MMD2: variants seen among roughly 807,000 people sequenced by gnomAD.
The protein encoded by MMD2 is monocyte to macrophage differentiation factor 2.
A neutral mutation model predicts 33.5 loss-of-function variants in MMD2; 30 were observed. The ratio of observed to expected loss-of-function variants is 0.90; its 90% CI spans 0.67 to 1.22. The LOEUF is 1.22. Among genes scored for constraint, MMD2 ranks in the 50% most tolerant of loss-of-function variants. The pLI, the probability that MMD2 is intolerant of heterozygous loss-of-function variation, is 0.00. For missense variants in MMD2, 364 were observed against 325.4 expected (o/e 1.12, Z -0.91); for synonymous variants, 129 against 123.0 (o/e 1.05, Z -0.32).
intron 1 of MMD2, among the ~76,000 whole-genome samples, chr7:4,937,347 G>C (rs1398508379): frequency 1.3e-5 from 2 of 151,060 alleles, no homozygotes; most frequent in Admixed American, 1.3e-4. Context: ...CAGTGAGCCG[G>C]GATTGCACTA....
intron 1 of MMD2, 93 bp downstream of exon 1, chr7:4,958,878 G>T: frequency 8.9e-7 from 1 of 1,120,218 alleles, no homozygotes; most frequent in Non-Finnish European, 1.1e-6. Context: ...AGCGCTCCGG[G>T]CGGCGGGGCC....
intron 4 of MMD2, among the ~76,000 whole-genome samples, chr7:4,913,482 C>T (rs1785064337): frequency 6.6e-6 from 1 of 151,812 alleles, no homozygotes; most frequent in Non-Finnish European, 1.5e-5. Flanking sequence ...TTTGGGAGGC[C>T]GAGGCAGGTG....
chr7:4,925,235 C>T (rs1370154556), intron 2 of MMD2, among the ~76,000 whole-genome samples: 1 of 152,022 alleles, frequency 6.6e-6, no homozygotes, highest in Admixed American at 6.6e-5. Context: ...TCGGCCCCAT[C>T]GAAGGTTCTT....
intron 3 of MMD2, among the ~76,000 whole-genome samples, chr7:4,916,470 C>T (rs1162699741): frequency 2.7e-5 from 4 of 146,288 alleles, no homozygotes; most frequent in Non-Finnish European, 5.9e-5. Context: ...GCAACCTCCG[C>T]TTCCCGGATT....
chr7:4,946,356 G>A lies in MMD2; in HGVS notation c.47+12615C>T, dbSNP rs1025031578. On this transcript the variant is annotated intron_variant, in intron 1 of 6. Transcript: ENST00000401401. The surrounding 1 kb of genome is among the most constrained non-coding windows in gnomAD (Gnocchi z 5.0). ...GACGGATCAATTTGTTTCCCTCTGC[G>A]GCCTTTCTCTGAAAGAAATGAAACC... Among the ~76,000 whole-genome samples the A allele has an allele frequency of 8.5e-5, 13 of 152,106 alleles. No individual in the cohort carries two copies. The highest frequency in any genetic ancestry group is 1.9e-4 in the Non-Finnish European group (13 of 68,020).
At chr7:4,896,971 T>C in the MMD2 span, among the ~76,000 whole-genome samples, 717 of 152,202 alleles carry the variant, frequency 4.7e-3, 5 homozygotes, top group African/African-American at 0.017. Context: ...GTGATTCTCC[T>C]GCCTCAGCCT....
rs545112846 is a variant in MMD2, at chr7:4,955,189, G to A, written c.47+3782C>T. Among the ~76,000 whole-genome samples, 4 of 152,240 alleles carry A rather than the reference G, an allele frequency of 2.6e-5. No individual in the cohort carries two copies. The South Asian group carries it at 8.3e-4, about 32-fold the overall frequency. On this transcript the variant is annotated intron_variant, in intron 1 of 6. Coordinates refer to ENST00000401401, the MANE Select transcript of MMD2 (RefSeq NM_198403.4). ...CCTTTACATGCATGAATCTATTTCA[G>A]GCCTCTTTATTCTGCTCCATTCGTC...
intron 1 of MMD2, among the ~76,000 whole-genome samples, chr7:4,926,053 G>T (rs942569345): frequency 2.0e-5 from 3 of 151,970 alleles, no homozygotes; most frequent in Non-Finnish European, 1.5e-5. Context: ...TGATCCGCCC[G>T]CCTCAGCCTT....
At chr7:4,947,940 C>A (rs1041864229) in intron 1 of MMD2, among the ~76,000 whole-genome samples, 14 of 151,850 alleles carry the variant, frequency 9.2e-5, no homozygotes, top group African/African-American at 3.4e-4. Context: ...CCTGGTGATC[C>A]ACCCACCTCA....
intron 1 of MMD2, among the ~76,000 whole-genome samples, chr7:4,941,035 GC>G (rs777122145): frequency 3.1e-4 from 47 of 152,288 alleles, no homozygotes; most frequent in Middle Eastern, 3.4e-3. Context: ...GTGAGAAGGG[GC>G]CATGGTCATC....
chr7:4,933,772 A>G (rs1209385507), intron 1 of MMD2, among the ~76,000 whole-genome samples: 1 of 151,882 alleles, frequency 6.6e-6, no homozygotes, highest in African/African-American at 2.4e-5. Flanking sequence ...AGCTGAGACC[A>G]CAGGTACACA....
the MMD2 span, among the ~76,000 whole-genome samples, chr7:4,895,287 G>A: frequency 6.6e-6 from 1 of 152,172 alleles, no homozygotes; most frequent in African/African-American, 2.4e-5. Flanking sequence ...TGTTGGCGAT[G>A]CTAGTCTCAA....
chr7:4,939,130 A>T (rs1431098656), intron 1 of MMD2, among the ~76,000 whole-genome samples: 1 of 152,106 alleles, frequency 6.6e-6, no homozygotes, highest in Non-Finnish European at 1.5e-5. Flanking sequence ...TGAACTAGAG[A>T]GATGGAGGTT....
chr7:4,922,475 AAAAT>A (rs1368020657), intron 2 of MMD2, among the ~76,000 whole-genome samples: 13 of 152,104 alleles, frequency 8.5e-5, no homozygotes, highest in Non-Finnish European at 1.9e-4. Context: ...CATTTAAAAA[AAAAT>A]AAATAAACAG....
chr7:4,916,927 C>T (rs2115098494), intron 3 of MMD2, among the ~76,000 whole-genome samples: 1 of 152,146 alleles, frequency 6.6e-6, no homozygotes, highest in Admixed American at 6.6e-5. Context: ...GGAAGATCAG[C>T]CAGGCATAAT....
At chr7:4,951,127 A>T (rs1430215457) in intron 1 of MMD2, among the ~76,000 whole-genome samples, 2 of 152,064 alleles carry the variant, frequency 1.3e-5, no homozygotes, top group Admixed American at 6.6e-5. Flanking sequence ...GGGCAGCCCC[A>T]ACCCCATGAG....
chr7:4,945,239 C>CTTCTTCTTCTTCTTCTTCTTCTT (rs71033001), intron 1 of MMD2, among the ~76,000 whole-genome samples: 1 of 142,108 alleles, frequency 7.0e-6, no homozygotes. Context: ...TCTTCTTCTT[C>CTTCTTCTTCTTCTTCTTCTTCTT]CTCTCTCTCT....
chr7:4,929,996 A>G (rs1264586274), intron 1 of MMD2, among the ~76,000 whole-genome samples: 3 of 152,048 alleles, frequency 2.0e-5, no homozygotes, highest in Admixed American at 1.3e-4. Context: ...AGGGCCGGGT[A>G]TGGTGGCTCA....
chr7:4,935,459 A>AT (rs1218003845), intron 1 of MMD2, among the ~76,000 whole-genome samples: 4 of 152,012 alleles, frequency 2.6e-5, no homozygotes, highest in African/African-American at 9.7e-5. Flanking sequence ...CTTTATTATT[A>AT]TTATTTTTTT....
Sources: gnomAD v4.1 joint callset for allele counts (sites outside exome capture counted in the v4.1 genomes callset) on GRCh38, gnomAD v4.1.1 for gene constraint, Gnocchi (gnomAD v3.1) non-coding constraint, MANE v1.5 for transcripts, NCBI Gene and HGNC (gene_info 2026-07-23, HGNC 2026-07-21) for gene names.